Variants in DR1 observed in about 807,000 individuals in gnomAD.
DR1 encodes the protein protein Dr1.
DR1 carries 7 observed loss-of-function variants against 19.9 expected under a neutral mutation model. That is an observed-to-expected ratio of 0.35 (90% CI 0.20 to 0.66). DR1 has a LOEUF of 0.66. Ranked by LOEUF, DR1 falls within the 30% of genes least tolerant of loss-of-function variation. The probability of loss-of-function intolerance (pLI) is 0.66; values close to 1 mark genes in which losing one functional copy is unlikely to be tolerated. For synonymous variants in DR1, 76 were observed against 72.5 expected, an observed-to-expected ratio of 1.05 and a Z score of -0.24; for missense variants, 98 against 203.7, an observed-to-expected ratio of 0.48 and a Z score of 3.16.
chr1:93,349,932 A>G (rs938643072), intron 1 of DR1, among the ~76,000 whole-genome samples: 2 of 152,264 alleles, frequency 1.3e-5, no homozygotes, highest in Admixed American at 6.5e-5. Flanking sequence ...CAGTTTTGGC[A>G]TAAGTCCATG....
At position 93,366,139 on chromosome 1, in the gene DR1, T is replaced by C. The variant is rs1316020622; in HGVS notation, c.*5500T>C. On this transcript the variant is annotated 3_prime_UTR_variant, in exon 3 of 3. Transcript: ENST00000370272. ...GTAACCAGCATTCAGTCTCTATGAA[T>C]TGACTACTCTGGATATCTAAATGGA... is the stretch of plus-strand genomic sequence containing the variant. The C allele has an allele frequency of 6.6e-6, 1 of 152,224 alleles. No individual in the cohort carries two copies. Among genetic ancestry groups the C allele is most frequent in the African/African-American group, 2.4e-5 (1 of 41,460 alleles). 9.4% of individuals were successfully genotyped at this position (152,224 alleles called of 1,614,324 possible).
At position 93,365,984 on chromosome 1, in the gene DR1, CA is replaced by C. The variant is rs1469615347; in HGVS notation, c.*5346del. On this transcript the variant is annotated 3_prime_UTR_variant, in exon 3 of 3. Coordinates refer to ENST00000370272, the MANE Select transcript of DR1 (RefSeq NM_001938.3). ...CAGTTTTAAGTGTTCAATTCTGTGG[CA>C]TTAAGTATATTCATACTATTGTGCA... is the stretch of plus-strand genomic sequence containing the variant. The C allele has an allele frequency of 6.6e-6, 1 of 152,186 alleles. No individual in the cohort carries two copies. The highest frequency in any genetic ancestry group is 2.4e-5 in the African/African-American group (1 of 41,448). The allele number at this position is 152,186 out of a possible 1,614,324, so 9.4% of individuals were successfully genotyped here.
chr1:93,350,771 A>G (rs917945980), intron 1 of DR1, among the ~76,000 whole-genome samples: 1 of 152,188 alleles, frequency 6.6e-6, no homozygotes, highest in East Asian at 1.9e-4. Flanking sequence ...TACACGGCAT[A>G]GGGTGACAGA....
chr1:93,358,467 G>A (rs964393157), intron 2 of DR1, among the ~76,000 whole-genome samples: 5 of 152,122 alleles, frequency 3.3e-5, no homozygotes, highest in African/African-American at 9.7e-5. Context: ...GAGACTGAAC[G>A]CGGTTTGCAT....
chr1:93,347,520 A>G (rs773670496), intron 1 of DR1, among the ~76,000 whole-genome samples: 1 of 151,826 alleles, frequency 6.6e-6, no homozygotes, highest in Non-Finnish European at 1.5e-5. Context: ...GTTTGCTTTT[A>G]TGTCGTTTGC....
intron 1 of DR1, among the ~76,000 whole-genome samples, chr1:93,349,933 T>G (rs3767964): frequency 2.6e-5 from 4 of 152,042 alleles, no homozygotes; most frequent in Admixed American, 2.6e-4. Context: ...AGTTTTGGCA[T>G]AAGTCCATGG....
At chr1:93,352,402 T>G (rs1202350791) in intron 1 of DR1, among the ~76,000 whole-genome samples, 1 of 152,200 alleles carries the variant, frequency 6.6e-6, no homozygotes, top group African/African-American at 2.4e-5. Flanking sequence ...GAACTTAGAA[T>G]AATGCCTTTC....
chr1:93,346,834 G>A lies in DR1; in HGVS notation c.189G>A (p.Lys63=). The change falls in exon 1 of 3, where the codon AAG becomes AAA. Residue 63 remains lysine, a synonymous_variant. Transcript: ENST00000370272. ...ATGAGATTTGTAACAAATCGGAAAA[G>A]AAGACCATCTCACCAGAGCATGTCA... ...EANEICNKSE[K]KTISPEHVIQ... The A allele has an allele frequency of 6.2e-7, 1 of 1,613,286 alleles. No homozygotes were observed. The highest frequency in any genetic ancestry group is 1.3e-5 in the African/African-American group (1 of 75,024).
In DR1 at chr1:93,367,419, C is replaced by T. The variant is rs1016228232; in HGVS notation, c.*6780C>T. On this transcript the variant is annotated 3_prime_UTR_variant, in exon 3 of 3. Transcript: ENST00000370272. ...CGTTTTACAGTAATTTGTATTCATT[C>T]GTTTTTCAACCTGCTTATTTCAGTT... 2 of 152,098 alleles carry T rather than the reference C, an allele frequency of 1.3e-5. No homozygotes were observed. The highest frequency in any genetic ancestry group is 6.5e-5 in the Admixed American group (1 of 15,270). The allele number at this position is 152,098 out of a possible 1,614,324, so 9.4% of individuals were successfully genotyped here. A position where few individuals can be genotyped will look rare whatever the true frequency, so the allele number is the denominator to read the frequency against.
rs138657605 is a variant in DR1 at position 93,350,665 on chromosome 1, G to A, written c.221-3243G>A. 5.2e-3 allele frequency among the ~76,000 whole-genome samples: 784 copies of A among 151,794 alleles called. 4 individuals carry two copies. Among genetic ancestry groups the A allele is most frequent in the Non-Finnish European group, 8.6e-3 (585 of 67,908 alleles). The stretch of plus-strand genomic sequence containing the variant: ...TTACTTCTTTTTTGTTTTTTTAATA[G>A]CTGTCTTGTTAACATCTGTCTTTTA... On this transcript the variant is annotated intron_variant, in intron 1 of 2. Transcript: ENST00000370272.
intron 2 of DR1, among the ~76,000 whole-genome samples, chr1:93,354,371 A>G (rs1208722122): frequency 6.6e-6 from 1 of 152,218 alleles, no homozygotes; most frequent in Non-Finnish European, 1.5e-5. Flanking sequence ...ATTTAAAATG[A>G]TGAGCTGATG....
intron 1 of DR1, among the ~76,000 whole-genome samples, chr1:93,351,393 C>T (rs1666910739): frequency 6.6e-6 from 1 of 150,828 alleles, no homozygotes; most frequent in Non-Finnish European, 1.5e-5. Context: ...ATTCTTAATC[C>T]AAGCCCTCCA....
rs890855112 is a variant in DR1, at chr1:93,362,436, A to G, written c.*1797A>G. On this transcript the variant is annotated 3_prime_UTR_variant, in exon 3 of 3. Coordinates refer to ENST00000370272, the MANE Select transcript of DR1 (RefSeq NM_001938.3). ...AGTAAACAACTTAGATATTTTCCAC[A>G]CCTTTTTTTTTTTTTCTGATGCAGA... is the stretch of plus-strand genomic sequence containing the variant. The G allele has an allele frequency of 1.2e-5, 1 of 84,222 alleles. No homozygotes were observed. The highest frequency in any genetic ancestry group is 2.6e-5 in the Non-Finnish European group (1 of 38,706). The allele number at this position is 84,222 out of a possible 1,614,324, so 5.2% of individuals were successfully genotyped here.
chr1:93,348,333 T>C (rs1666877048), intron 1 of DR1, among the ~76,000 whole-genome samples: 1 of 152,236 alleles, frequency 6.6e-6, no homozygotes, highest in East Asian at 1.9e-4. Context: ...CATAAGTCTT[T>C]CACAAGATTA....
chr1:93,354,082 T>C lies in DR1; in HGVS notation c.384+11T>C. ...GAATTATTTGCAAAAGTAAGTAATT[T>C]ATTTAAATTATTTTCCTCTGAATCC... On this transcript the variant is annotated intron_variant, in intron 2 of 2. Coordinates refer to ENST00000370272, the MANE Select transcript of DR1 (RefSeq NM_001938.3). 1 of 1,606,370 alleles carries C rather than the reference T, an allele frequency of 6.2e-7. No individual in the cohort carries two copies. Among genetic ancestry groups the C allele is most frequent in the Non-Finnish European group, 8.5e-7 (1 of 1,176,408 alleles).
At chr1:93,352,590 T>G (rs1666927851) in intron 1 of DR1, among the ~76,000 whole-genome samples, 1 of 152,186 alleles carries the variant, frequency 6.6e-6, no homozygotes, top group Non-Finnish European at 1.5e-5. Context: ...GCATGTAGAT[T>G]TGTAAAGGTG....
intron 1 of DR1, among the ~76,000 whole-genome samples, chr1:93,350,991 T>C (rs1666907253): frequency 6.6e-6 from 1 of 152,216 alleles, no homozygotes; most frequent in East Asian, 1.9e-4. Flanking sequence ...ACAATAAGAA[T>C]GGCCCTCTAG....
chr1:93,358,323 A>AG (rs35306091), intron 2 of DR1, among the ~76,000 whole-genome samples: 123,427 of 152,042 alleles, frequency 0.81, 50,418 homozygotes, highest in East Asian at 0.97. Context: ...CTCTGTTGCC[A>AG]TATGGGGCTA....
Position 93,362,746 on chromosome 1 carries a change from C to T in DR1, c.*2107C>T, listed in dbSNP as rs974097973. On this transcript the variant is annotated 3_prime_UTR_variant, in exon 3 of 3. Transcript: ENST00000370272. ...TGTTATTTCAAAAAATGTGGTTTTA[C>T]TTGTATTTTTATAATTTACAGTCCT... 2 of 143,926 alleles carry T rather than the reference C, an allele frequency of 1.4e-5. No individual in the cohort carries two copies. Among genetic ancestry groups the T allele is most frequent in the South Asian group, 4.4e-4 (2 of 4,540 alleles). 8.9% of individuals were successfully genotyped at this position (143,926 alleles called of 1,614,324 possible).
Sources: allele counts gnomAD v4.1 joint callset (sites outside exome capture counted in the v4.1 genomes callset), GRCh38; gene constraint gnomAD v4.1.1; transcripts MANE v1.5; gene names NCBI Gene and HGNC (gene_info 2026-07-23, HGNC 2026-07-21).